ASMTL: variants seen among roughly 807,000 people sequenced by gnomAD.
The protein encoded by ASMTL is probable bifunctional dTTP/UTP pyrophosphatase/methyltransferase protein.
In ASMTL, 57 loss-of-function variants were observed where a neutral mutation model predicts 60.3. The ratio of observed to expected loss-of-function variants is 0.95; its 90% CI spans 0.76 to 1.18. ASMTL has a LOEUF of 1.18. Ranked by LOEUF, ASMTL falls within the 50% of genes most tolerant of loss-of-function variation. The pLI is 0.00. For missense variants in ASMTL, 981 were observed against 852.6 expected (o/e 1.15, Z -1.88); for synonymous variants, 419 against 373.0 (o/e 1.12, Z -1.42).
At chrX:1,427,330 C>A (rs1447353524) in intron 7 of ASMTL, among the ~76,000 whole-genome samples, 2 of 152,024 alleles carry the variant, frequency 1.3e-5, no homozygotes, top group African/African-American at 4.8e-5. Flanking sequence ...ATATCCTGAT[C>A]CCCAGAATCT....
intron 8 of ASMTL, among the ~76,000 whole-genome samples, chrX:1,424,988 A>G (rs1192922076): frequency 1.7e-4 from 3 of 17,246 alleles, no homozygotes; most frequent in Admixed American, 8.7e-4. Context: ...CCATCCATCT[A>G]TCCACCTACC....
intron 1 of ASMTL, among the ~76,000 whole-genome samples, chrX:1,445,163 G>A (rs2091206923): frequency 6.6e-6 from 1 of 152,098 alleles, no homozygotes; most frequent in Non-Finnish European, 1.5e-5. Flanking sequence ...CCAGTCCTCG[G>A]AGGACCAGCG....
chrX:1,417,965 G>A lies in ASMTL; in HGVS notation c.1522+8C>T. 1.2e-6 allele frequency: 2 copies of A among 1,603,692 alleles called. No homozygotes were observed. Among genetic ancestry groups the A allele is most frequent in the Non-Finnish European group, 8.5e-7 (1 of 1,173,210 alleles). On this transcript the variant is annotated splice_region_variant and intron_variant, in intron 11 of 12. Transcript: ENST00000381317. ...AAGGTTAGCAGGGTGAACAGGAGGA[G>A]GGCTCACCTGCTGCGAAGTGGATCT...
intron 1 of ASMTL, among the ~76,000 whole-genome samples, chrX:1,451,860 G>A (rs772216588): frequency 2.2e-3 from 292 of 130,422 alleles, no homozygotes; most frequent in Non-Finnish European, 4.1e-3. Context: ...ATGGGGCTCC[G>A]GGGTCACTCT....
chrX:1,407,827 G>A (rs1306239757), intron 12 of ASMTL, among the ~76,000 whole-genome samples: 1 of 151,904 alleles, frequency 6.6e-6, no homozygotes, highest in African/African-American at 2.4e-5. Context: ...GGAGAGAAGA[G>A]AAACAGAGAT....
intron 12 of ASMTL, among the ~76,000 whole-genome samples, chrX:1,411,624 G>GCTGACACTTCAGCAATACGGCTGTAAA (rs757145240): frequency 6.6e-6 from 1 of 150,944 alleles, no homozygotes; most frequent in Non-Finnish European, 1.5e-5. Context: ...ATTAGATCCA[G>GCTGACACTTCAGCAATACGGCTGTAAA]CTGCAGAGTC....
At chrX:1,418,866 AG>A in intron 10 of ASMTL, 115 bp downstream of exon 10, 1 of 1,327,372 alleles carries the variant, frequency 7.5e-7, no homozygotes, top group Non-Finnish European at 1.1e-6. Context: ...GGCCCGGTTC[AG>A]GTCGTTATCA....
At position 1,432,260 on chromosome X, in the gene ASMTL, G is replaced by T; in HGVS notation, c.509+9C>A. The stretch of plus-strand genomic sequence containing the variant: ...TGTCCCCCGTCCCCCCACCGCCCCC[G>T]AGACTCACATGGGCTCCCCGCTGTG... On this transcript the variant is annotated intron_variant, in intron 6 of 12. Coordinates refer to ENST00000381317, the MANE Select transcript of ASMTL (RefSeq NM_004192.4). 1 of 863,218 alleles carries T rather than the reference G, an allele frequency of 1.2e-6. No individual in the cohort carries two copies. Among genetic ancestry groups the T allele is most frequent in the Non-Finnish European group, 1.8e-6 (1 of 542,666 alleles). 53.5% of individuals were successfully genotyped at this position (863,218 alleles called of 1,614,324 possible).
At chrX:1,443,044 A>C (rs2091140584) in intron 1 of ASMTL, among the ~76,000 whole-genome samples, 1 of 125,738 alleles carries the variant, frequency 8.0e-6, no homozygotes, top group Admixed American at 1.0e-4. Flanking sequence ...TCTTGGACGC[A>C]TACCACCATC....
At chrX:1,417,871 G>A (rs1224091356) in intron 11 of ASMTL, 102 bp downstream of exon 11, 23 of 1,451,194 alleles carry the variant, frequency 1.6e-5, no homozygotes, top group African/African-American at 8.5e-5. Context: ...CCATGGAAAC[G>A]CCCAGGCAGA....
chrX:1,420,442 T>TG (rs2090452530), intron 9 of ASMTL, among the ~76,000 whole-genome samples: 1 of 152,164 alleles, frequency 6.6e-6, no homozygotes, highest in Non-Finnish European at 1.5e-5. Context: ...CCCGGCTCCC[T>TG]GGGGCTCATC....
chrX:1,439,831 G>C (rs184809508), intron 2 of ASMTL, among the ~76,000 whole-genome samples: 1,596 of 137,074 alleles, frequency 0.012, 32 homozygotes, highest in African/African-American at 0.041. Context: ...GTGAGACTCA[G>C]TCTCCAAAAA....
intron 4 of ASMTL, 148 bp downstream of exon 4, chrX:1,435,546 C>A: frequency 1.3e-6 from 1 of 754,498 alleles, no homozygotes; most frequent in South Asian, 1.5e-5. Context: ...TGCCTCCCTG[C>A]ATAGCTCAGA....
rs1370274484 is a variant in ASMTL at position 1,418,832 on chromosome X, C to T, written c.1378+150G>A. The T allele has an allele frequency of 2.7e-5, 26 of 967,626 alleles. 1 individual carries two copies. The Admixed American group carries it at 3.8e-4, about 14-fold the overall frequency. The allele number at this position is 967,626 out of a possible 1,614,324, so 59.9% of individuals were successfully genotyped here. A position where few individuals can be genotyped will look rare whatever the true frequency, so the allele number is the denominator to read the frequency against. ...GGTCCTCCTGGAACTTGGGAATATC[C>T]ACCCATGATCTGGGACTCAGCCTGG... On this transcript the variant is annotated intron_variant, in intron 10 of 12. Transcript: ENST00000381317.
chrX:1,419,262 GCTGTGTGGGCTACTCTTGT>G, intron 9 of ASMTL, 148 bp from the exon 10 acceptor site: 1 of 842,112 alleles, frequency 1.2e-6, no homozygotes, highest in Non-Finnish European at 1.8e-6. Context: ...TCATGCCACA[GCTGTGTGGGCTACTCTTGT>G]CTGTGTGGGG....
chrX:1,444,207 T>C (rs1367141770), intron 1 of ASMTL, among the ~76,000 whole-genome samples: 5 of 95,898 alleles, frequency 5.2e-5, no homozygotes, highest in South Asian at 4.4e-4. Context: ...CCACTTTTTG[T>C]ATTTTTTTTT....
intron 8 of ASMTL, among the ~76,000 whole-genome samples, chrX:1,423,739 T>C (rs2090536713): frequency 1.1e-5 from 1 of 92,476 alleles, no homozygotes; most frequent in African/African-American, 3.3e-5. Flanking sequence ...CACTGATACA[T>C]CTATCCATCC....
intron 1 of ASMTL, among the ~76,000 whole-genome samples, chrX:1,449,650 C>G (rs1311065062): frequency 6.6e-6 from 1 of 151,254 alleles, no homozygotes; most frequent in African/African-American, 2.4e-5. Flanking sequence ...TCACCAGTAA[C>G]TACCCCCCAT....
chrX:1,414,804 C>T (rs5025694), intron 11 of ASMTL, among the ~76,000 whole-genome samples: 141,260 of 152,114 alleles, frequency 0.93, 66,271 homozygotes, highest in East Asian at 1. Context: ...AGGGTGGTTG[C>T]GTTTTGTTTT....
Sources: gnomAD v4.1 joint callset for allele counts (sites outside exome capture counted in the v4.1 genomes callset) on GRCh38, gnomAD v4.1.1 for gene constraint, MANE v1.5 for transcripts, NCBI Gene and HGNC (gene_info 2026-07-23, HGNC 2026-07-21) for gene names.